NF2: variants seen among roughly 807,000 people sequenced by gnomAD.
The protein encoded by NF2 is merlin.
NF2 carries 8 observed loss-of-function variants against 83.7 expected under a neutral mutation model. The ratio of observed to expected loss-of-function variants is 0.10; its 90% confidence interval spans 0.06 to 0.17. The LOEUF (loss-of-function observed/expected upper bound fraction) is 0.17. Among genes scored for constraint, NF2 ranks in the 10% least tolerant of loss-of-function variants. The pLI is 1.00. For missense variants in NF2, 533 were observed against 744.4 expected (o/e 0.72, Z 3.31); for synonymous variants, 266 against 269.6 (o/e 0.99, Z 0.13).
chr22:29,665,326 G>A (rs2066591517), intron 9 of NF2, among the ~76,000 whole-genome samples: 1 of 151,168 alleles, frequency 6.6e-6, no homozygotes, highest in African/African-American at 2.4e-5. Context: ...TCACTGCAAC[G>A]TCCGCCTCCC....
intron 1 of NF2, among the ~76,000 whole-genome samples, chr22:29,604,381 G>A (rs1259966522): frequency 1.3e-5 from 2 of 152,222 alleles, no homozygotes; most frequent in Admixed American, 6.6e-5. Context: ...TCAGGCTTAA[G>A]TTAGGCTTAC....
At chr22:29,622,401 T>C (rs1376739230) in intron 1 of NF2, among the ~76,000 whole-genome samples, 1 of 152,240 alleles carries the variant, frequency 6.6e-6, no homozygotes, top group Non-Finnish European at 1.5e-5. Context: ...ATGAGGCTTA[T>C]GTTATAACAG....
rs35261503 is a variant in NF2, at chr22:29,637,690, ATT to A, written c.240+827_240+828del. On this transcript the variant is annotated intron_variant, in intron 2 of 15. Transcript: ENST00000338641. ...GCATAATAAATAATGAAAGCTTCCT[ATT>A]TTTTTTTTTTTTACCAGTTTGACTC... 1.2e-3 allele frequency among the ~76,000 whole-genome samples: 179 copies of A among 146,656 alleles called. 1 individual carries two copies. The highest frequency in any genetic ancestry group is 3.1e-3 in the African/African-American group (122 of 39,758).
chr22:29,664,712 G>A (rs1045591424), intron 8 of NF2, among the ~76,000 whole-genome samples: 2 of 152,322 alleles, frequency 1.3e-5, no homozygotes, highest in Admixed American at 1.3e-4. Context: ...TCAGGGTTGG[G>A]CCCATTAAGG....
intron 6 of NF2, 65 bp downstream of exon 6, chr22:29,655,741 G>C (rs895085991): frequency 4.8e-6 from 6 of 1,240,458 alleles, no homozygotes; most frequent in Non-Finnish European, 6.9e-6. Context: ...TTGCCTTAAA[G>C]AACTGCAAAA....
chr22:29,664,422 C>A (rs1423610166), intron 8 of NF2, among the ~76,000 whole-genome samples: 1 of 151,796 alleles, frequency 6.6e-6, no homozygotes, highest in Non-Finnish European at 1.5e-5. Context: ...ATTTCCCTGT[C>A]TCTACCTTAT....
intron 4 of NF2, among the ~76,000 whole-genome samples, chr22:29,650,793 A>G (rs1444506407): frequency 2.0e-5 from 3 of 151,996 alleles, no homozygotes; most frequent in Non-Finnish European, 2.9e-5. Flanking sequence ...AGTACAGATG[A>G]GGTTTCACCA....
chr22:29,650,942 A>G (rs981109338), intron 4 of NF2, among the ~76,000 whole-genome samples: 10 of 152,204 alleles, frequency 6.6e-5, no homozygotes, highest in Non-Finnish European at 1.5e-5. Flanking sequence ...TGCTCCATGT[A>G]TTATGAGTTA....
chr22:29,668,311 T>C, intron 9 of NF2, 22 bp from the exon 10 acceptor site: 1 of 1,587,130 alleles, frequency 6.3e-7, no homozygotes, highest in African/African-American at 1.3e-5. Context: ...ATTAACCTTT[T>C]TGTCTGCTTC....
intron 15 of NF2, among the ~76,000 whole-genome samples, chr22:29,692,609 A>G (rs1275244680): frequency 6.6e-6 from 1 of 152,164 alleles, no homozygotes; most frequent in Non-Finnish European, 1.5e-5. Flanking sequence ...TGCCTGGGGA[A>G]GTGGCCAGGC....
At chr22:29,619,000 A>G (rs1252347469) in intron 1 of NF2, among the ~76,000 whole-genome samples, 1 of 152,098 alleles carries the variant, frequency 6.6e-6, no homozygotes, top group Non-Finnish European at 1.5e-5. Context: ...TCTATACTCT[A>G]TATTAGTGCA....
At chr22:29,666,210 G>A (rs373021929) in intron 9 of NF2, among the ~76,000 whole-genome samples, 27 of 151,422 alleles carry the variant, frequency 1.8e-4, no homozygotes, top group South Asian at 4.2e-4. Flanking sequence ...GCACAATCTC[G>A]GCTCACTGCA....
At chr22:29,611,999 GTT>G (rs555189184) in intron 1 of NF2, among the ~76,000 whole-genome samples, 3 of 152,064 alleles carry the variant, frequency 2.0e-5, no homozygotes, top group African/African-American at 7.2e-5. Flanking sequence ...AACATTTTTG[GTT>G]TTGTTTTTTA....
At chr22:29,680,973 TG>T (rs1191186222) in intron 14 of NF2, among the ~76,000 whole-genome samples, 1 of 151,900 alleles carries the variant, frequency 6.6e-6, no homozygotes, top group Admixed American at 6.6e-5. Context: ...AACGAAAAGC[TG>T]TCCATGAGAG....
intron 1 of NF2, among the ~76,000 whole-genome samples, chr22:29,616,758 A>T (rs1201601095): frequency 6.6e-6 from 1 of 151,916 alleles, no homozygotes; most frequent in East Asian, 1.9e-4. Context: ...AAAAAAAAAA[A>T]AAAAGTAAAA....
chr22:29,627,718 T>A (rs1238677374), intron 1 of NF2, among the ~76,000 whole-genome samples: 1 of 152,132 alleles, frequency 6.6e-6, no homozygotes, highest in Admixed American at 6.6e-5. Flanking sequence ...TTTTTTCCCC[T>A]AAAAAACTGT....
chr22:29,625,058 C>T (rs1484193179), intron 1 of NF2, among the ~76,000 whole-genome samples: 1 of 152,000 alleles, frequency 6.6e-6, no homozygotes, highest in Non-Finnish European at 1.5e-5. Context: ...CCTTTCTCAG[C>T]CTTCCGAGAA....
intron 10 of NF2, among the ~76,000 whole-genome samples, chr22:29,669,806 G>C (rs12019218): frequency 0.03 from 4,506 of 152,276 alleles, 234 homozygotes; most frequent in African/African-American, 0.1. Flanking sequence ...GTAAGTCAAT[G>C]ACTTACCTTC....
intron 15 of NF2, among the ~76,000 whole-genome samples, chr22:29,690,221 C>T (rs866899857): frequency 6.6e-6 from 1 of 152,328 alleles, no homozygotes; most frequent in South Asian, 2.1e-4. Context: ...GATTGCATGC[C>T]TGGGTTAGAG....
Sources: gnomAD v4.1 joint callset for allele counts (sites outside exome capture counted in the v4.1 genomes callset) on GRCh38, gnomAD v4.1.1 for gene constraint, MANE v1.5 for transcripts, NCBI Gene and HGNC (gene_info 2026-07-23, HGNC 2026-07-21) for gene names.